The following RIOK3 variants were observed in gnomAD, a reference collection of about 807,000 sequenced individuals.
RIOK3 encodes serine/threonine-protein kinase RIO3.
Under a neutral mutation model 63.5 loss-of-function variants are expected in RIOK3, and 40 were observed. The ratio of observed to expected loss-of-function variants is 0.63; its 90% confidence interval spans 0.49 to 0.82. RIOK3 has a LOEUF of 0.82. RIOK3 is among the 40% of genes least tolerant of loss of function. The probability of loss-of-function intolerance (pLI) is 0.00; values close to 1 mark genes in which losing one functional copy is unlikely to be tolerated. For synonymous variants in RIOK3, 193 were observed against 205.0 expected (o/e 0.94, Z 0.50); for missense variants, 557 against 637.0 (o/e 0.87, Z 1.35).
At chr18:23,478,756 A>C (rs908107288) in intron 11 of RIOK3, among the ~76,000 whole-genome samples, 1 of 151,900 alleles carries the variant, frequency 6.6e-6, no homozygotes, top group African/African-American at 2.4e-5. Flanking sequence ...TGATCTTTCT[A>C]AAGGATAGAG....
Position 23,453,310 on chromosome 18 carries a change from T to TCGC in RIOK3, c.-125_-123dup, listed in dbSNP as rs111885250. The stretch of plus-strand genomic sequence containing the variant: ...CCAGTTCCGGACGCGGCCGCCGCCG[T>TCGC]CGCCGCCATCTGTCACCTCCACTCC... On this transcript the variant is annotated 5_prime_UTR_variant, in exon 1 of 13. Coordinates refer to ENST00000339486, the MANE Select transcript of RIOK3 (RefSeq NM_003831.5). 5.2e-6 allele frequency: 4 copies of TCGC among 762,120 alleles called. No homozygotes were observed. The African/African-American group carries it at 6.9e-5, about 13-fold the overall frequency. 47.2% of individuals were successfully genotyped at this position (762,120 alleles called of 1,614,324 possible).
intron 2 of RIOK3, 80 bp from the exon 3 acceptor site, chr18:23,463,887 G>GGAGAGTA: frequency 8.4e-7 from 1 of 1,188,134 alleles, no homozygotes; most frequent in South Asian, 1.5e-5. Flanking sequence ...ACATGGAAAA[G>GGAGAGTA]GCACCTCCTA....
intron 11 of RIOK3, 135 bp from the exon 12 acceptor site, chr18:23,479,182 A>ACT (rs1315491175): frequency 1.8e-6 from 1 of 546,316 alleles, no homozygotes; most frequent in Non-Finnish European, 3.3e-6. Flanking sequence ...AGTTGAAATT[A>ACT]CTGTGTGTGT....
intron 2 of RIOK3, 81 bp from the exon 3 acceptor site, chr18:23,463,886 A>ACAATTTAAAATTTAACAATTTTAACAT: frequency 8.5e-7 from 1 of 1,170,232 alleles, no homozygotes; most frequent in South Asian, 1.5e-5. Flanking sequence ...AACATGGAAA[A>ACAATTTAAAATTTAACAATTTTAACAT]GGCACCTCCT....
intron 1 of RIOK3, among the ~76,000 whole-genome samples, chr18:23,459,913 C>T (rs1340219466): frequency 6.6e-6 from 1 of 152,132 alleles, no homozygotes; most frequent in African/African-American, 2.4e-5. Context: ...AGACTGGTCT[C>T]GAACTCCTGA....
At chr18:23,454,132 G>A (rs2057322955) in intron 1 of RIOK3, among the ~76,000 whole-genome samples, 1 of 152,200 alleles carries the variant, frequency 6.6e-6, no homozygotes, top group African/African-American at 2.4e-5. Context: ...CTGGTTTCCA[G>A]GCAGGTCCTT....
intron 9 of RIOK3, among the ~76,000 whole-genome samples, chr18:23,476,522 G>C (rs2057491965): frequency 6.6e-6 from 1 of 152,146 alleles, no homozygotes. Context: ...GGGAGGTGGG[G>C]TGGCTGGGGA....
chr18:23,475,625 C>A (rs1161047529), intron 9 of RIOK3, among the ~76,000 whole-genome samples: 1 of 151,952 alleles, frequency 6.6e-6, no homozygotes, highest in Non-Finnish European at 1.5e-5. Flanking sequence ...AGAGCAAGAC[C>A]CTATGTCTTA....
chr18:23,461,575 A>G (rs1194891815), intron 1 of RIOK3, among the ~76,000 whole-genome samples: 2 of 152,244 alleles, frequency 1.3e-5, no homozygotes, highest in African/African-American at 4.8e-5. Flanking sequence ...TAAATAGTAA[A>G]GGTCTTAATC....
chr18:23,478,213 T>G (rs1260619599), intron 11 of RIOK3, among the ~76,000 whole-genome samples: 1 of 152,246 alleles, frequency 6.6e-6, no homozygotes, highest in Admixed American at 6.5e-5. Context: ...TTATTACCAT[T>G]AAAAGAGGGA....
chr18:23,473,592 A>G lies in RIOK3; in HGVS notation c.979A>G (p.Met327Val), dbSNP rs768141621. The change falls in exon 8 of 13, where the codon ATG (methionine) becomes GTG (valine). Residue 327 changes from methionine to valine, a missense_variant. By Grantham distance (21) the Met-to-Val change is conservative. Around this residue, in one of 3 missense-constraint regions of RIOK3, gnomAD observed 309 missense variants for 338.7 expected, o/e 0.91. Coordinates refer to ENST00000339486, the MANE Select transcript of RIOK3 (RefSeq NM_003831.5). ...SKLNPRKIIR[M>V]WAEKEMHNLA... ...ACTAAATCCACGTAAGATCATCCGC[A>G]TGTGGGCAGAAAAAGAAATGCACAA... is the stretch of plus-strand genomic sequence containing the variant. The G allele has an allele frequency of 6.8e-6, 11 of 1,613,674 alleles. No individual in the cohort carries two copies. Among genetic ancestry groups the G allele is most frequent in the Non-Finnish European group, 9.3e-6 (11 of 1,179,732 alleles).
chr18:23,456,601 T>C (rs907520883), intron 1 of RIOK3: 2 of 152,130 alleles, frequency 1.3e-5, no homozygotes, highest in African/African-American at 2.4e-5. Context: ...ACTGTGTTGC[T>C]CAGCTGGTCT....
chr18:23,473,737 G>A, intron 8 of RIOK3, 111 bp downstream of exon 8: 2 of 764,282 alleles, frequency 2.6e-6, no homozygotes, highest in Non-Finnish European at 4.1e-6. Context: ...GAAAGGCCAG[G>A]TGTATAACCT....
intron 6 of RIOK3, among the ~76,000 whole-genome samples, chr18:23,466,514 A>T (rs1029872015): frequency 5.3e-5 from 8 of 151,880 alleles, no homozygotes; most frequent in African/African-American, 1.9e-4. Flanking sequence ...CCCAGGCAAC[A>T]TAATGATCCC....
intron 5 of RIOK3, 152 bp from the exon 6 acceptor site, chr18:23,465,981 T>C (rs1329559224): frequency 4.2e-6 from 2 of 480,028 alleles, no homozygotes; most frequent in Non-Finnish European, 7.2e-6. Flanking sequence ...TGTGAGTTAT[T>C]TAATTTTTTT....
At position 23,453,329 on chromosome 18, in the gene RIOK3, C is replaced by A. The variant is rs1443942148; in HGVS notation, c.-111C>A. 4.5e-6 allele frequency: 4 copies of A among 886,666 alleles called. No homozygotes were observed. The allele number at this position is 886,666 out of a possible 1,614,324, so 54.9% of individuals were successfully genotyped here. A position where few individuals can be genotyped will look rare whatever the true frequency, so the allele number is the denominator to read the frequency against. ...CCGCCGTCGCCGCCATCTGTCACCT[C>A]CACTCCGGCATCAGCAGCCAGTCGC... is the stretch of plus-strand genomic sequence containing the variant. On this transcript the variant is annotated 5_prime_UTR_variant, in exon 1 of 13. Coordinates refer to ENST00000339486, the MANE Select transcript of RIOK3 (RefSeq NM_003831.5).
chr18:23,464,649 A>G (rs931015016), intron 5 of RIOK3, 21 bp downstream of exon 5: 37 of 1,402,158 alleles, frequency 2.6e-5, no homozygotes, highest in African/African-American at 5.8e-5. Flanking sequence ...GAAAGTATCT[A>G]TCTCTGAATT....
chr18:23,453,293 G>A lies in RIOK3; in HGVS notation c.-147G>A. 1 of 691,640 alleles carries A rather than the reference G, an allele frequency of 1.4e-6. No homozygotes were observed. The highest frequency in any genetic ancestry group is 2.1e-5 in the Admixed American group (1 of 47,678). 42.8% of individuals were successfully genotyped at this position (691,640 alleles called of 1,614,324 possible). On this transcript the variant is annotated 5_prime_UTR_variant, in exon 1 of 13. Transcript: ENST00000339486. ...GGCGGAAGAGGAGAGATCCAGTTCC[G>A]GACGCGGCCGCCGCCGTCGCCGCCA...
rs1225790189 is a variant in RIOK3 at position 23,473,420 on chromosome 18, TCCAC to T, written c.816-8_816-5del. On this transcript the variant is annotated splice_polypyrimidine_tract_variant and splice_region_variant and intron_variant, in intron 7 of 12. Coordinates refer to ENST00000339486, the MANE Select transcript of RIOK3 (RefSeq NM_003831.5). ...CTTGTACTGACTTGATTTTTTTTCT[TCCAC>T]TTAGCATGGAGGATGAAAAGGAAGA... 8.2e-6 allele frequency: 13 copies of T among 1,582,438 alleles called. No homozygotes were observed. The Admixed American group carries it at 1.1e-4, about 13-fold the overall frequency.
Sources: gnomAD v4.1 joint callset for allele counts (sites outside exome capture counted in the v4.1 genomes callset) on GRCh38, gnomAD v4.1.1 for gene constraint, gnomAD v4.1.1 regional missense constraint, MANE v1.5 for transcripts, NCBI Gene and HGNC (gene_info 2026-07-23, HGNC 2026-07-21) for gene names.